Variants in TBC1D14 observed in about 807,000 individuals in gnomAD.
TBC1D14 encodes TBC1 domain family member 14.
In TBC1D14, 26 loss-of-function variants were observed where a neutral mutation model predicts 79.0. The observed-to-expected ratio is 0.33, with a 90% confidence interval of 0.24 to 0.46. TBC1D14 has a LOEUF of 0.46. Ranked by LOEUF, TBC1D14 falls within the 20% of genes least tolerant of loss-of-function variation. TBC1D14 has a pLI of 1.00. For missense variants in TBC1D14, 769 were observed against 887.6 expected, an observed-to-expected ratio of 0.87 and a Z score of 1.70; for synonymous variants, 394 against 349.9, an observed-to-expected ratio of 1.13 and a Z score of -1.40.
At chr4:6,938,262 G>C (rs947445025) in intron 2 of TBC1D14, among the ~76,000 whole-genome samples, 1 of 152,174 alleles carries the variant, frequency 6.6e-6, no homozygotes, top group Non-Finnish European at 1.5e-5. Context: ...GGGGCTGCCT[G>C]GTGGCCCCAG....
intron 2 of TBC1D14, among the ~76,000 whole-genome samples, chr4:6,931,693 C>G (rs1711756736): frequency 6.6e-6 from 1 of 152,082 alleles, no homozygotes; most frequent in Non-Finnish European, 1.5e-5. Flanking sequence ...CAAATCACAA[C>G]CATAATGATC....
intron 12 of TBC1D14, among the ~76,000 whole-genome samples, chr4:7,020,979 G>A (rs1187652049): frequency 6.6e-6 from 1 of 152,174 alleles, no homozygotes; most frequent in Non-Finnish European, 1.5e-5. Flanking sequence ...TGTATGAAAC[G>A]AGCACTTTCT....
At chr4:7,023,454 G>A (rs945910661) in intron 12 of TBC1D14, among the ~76,000 whole-genome samples, 1 of 152,156 alleles carries the variant, frequency 6.6e-6, no homozygotes, top group African/African-American at 2.4e-5. Context: ...GTACAATTGA[G>A]AATATTCTCT....
intron 12 of TBC1D14, among the ~76,000 whole-genome samples, chr4:7,021,723 G>T (rs1283393130): frequency 6.7e-6 from 1 of 150,014 alleles, no homozygotes; most frequent in Non-Finnish European, 1.5e-5. Context: ...TACCATTTTT[G>T]ATCTACAACG....
chr4:6,968,727 G>T (rs1485949835), intron 3 of TBC1D14, among the ~76,000 whole-genome samples: 1 of 70,070 alleles, frequency 1.4e-5, no homozygotes, highest in African/African-American at 4.0e-5. Flanking sequence ...GGCTGGCCAT[G>T]GGGCCTGTGC....
chr4:6,912,550 C>T (rs1047654353), intron 1 of TBC1D14, among the ~76,000 whole-genome samples: 1 of 152,132 alleles, frequency 6.6e-6, no homozygotes, highest in Admixed American at 6.5e-5. Flanking sequence ...CCATCAGTAT[C>T]ACACGGCAGG....
chr4:6,947,729 A>G (rs940981483), intron 2 of TBC1D14, among the ~76,000 whole-genome samples: 1 of 151,546 alleles, frequency 6.6e-6, no homozygotes, highest in Non-Finnish European at 1.5e-5. Context: ...CCCCTCCTGT[A>G]TTTAAATATT....
rs1720576193 is a variant in TBC1D14, at chr4:7,009,888, T to C, written c.1458T>C (p.Tyr486=). The C allele has an allele frequency of 3.1e-6, 5 of 1,614,120 alleles. No homozygotes were observed. Among genetic ancestry groups the C allele is most frequent in the Non-Finnish European group, 4.2e-6 (5 of 1,180,046 alleles). The stretch of plus-strand genomic sequence containing the variant: ...GTTGATCCTTTTAGGGTGGTCCATA[T>C]CATGACATGTTGCACAGTATTTTGG... The part of the protein sequence containing the change: ...NLCIFQQGGP[Y]HDMLHSILGA... Residue 486 remains tyrosine (Y), a synonymous_variant, in exon 10 of 14, where the codon TAT becomes TAC. Transcript: ENST00000409757.
chr4:6,949,664 C>T (rs1417561173), intron 2 of TBC1D14, among the ~76,000 whole-genome samples: 4 of 126,136 alleles, frequency 3.2e-5, no homozygotes, highest in African/African-American at 6.2e-5. Context: ...ACCTGGGCGA[C>T]AGAGCAAGAC....
At chr4:6,983,586 G>A (rs550012062) in intron 3 of TBC1D14, among the ~76,000 whole-genome samples, 1 of 152,112 alleles carries the variant, frequency 6.6e-6, no homozygotes, top group Non-Finnish European at 1.5e-5. Context: ...GGTCTATCAG[G>A]AGATTATCCC....
intron 8 of TBC1D14, among the ~76,000 whole-genome samples, chr4:7,005,285 C>G (rs1302687474): frequency 1.3e-5 from 2 of 152,066 alleles, no homozygotes; most frequent in Non-Finnish European, 2.9e-5. Flanking sequence ...CCTGTAATCC[C>G]AGCACTTTGG....
At chr4:6,924,846 C>T (rs542257163) in intron 2 of TBC1D14, among the ~76,000 whole-genome samples, 61 of 152,186 alleles carry the variant, frequency 4.0e-4, no homozygotes, top group Middle Eastern at 3.4e-3. Context: ...TGGGGTAATA[C>T]GGTGAGAGAA....
intron 2 of TBC1D14, among the ~76,000 whole-genome samples, chr4:6,939,247 C>T (rs1712654496): frequency 1.3e-5 from 2 of 152,158 alleles, no homozygotes; most frequent in African/African-American, 4.8e-5. Flanking sequence ...TGTCCTCCTG[C>T]AGGCCTGGAG....
intron 2 of TBC1D14, among the ~76,000 whole-genome samples, chr4:6,944,013 G>A (rs2108983381): frequency 7.5e-6 from 1 of 133,078 alleles, no homozygotes; most frequent in South Asian, 2.7e-4. Context: ...TGTCTGTGAA[G>A]CCGGCGCGTT....
chr4:6,923,282 A>T (rs41516949), intron 1 of TBC1D14, 91 bp from the exon 2 acceptor site: 3 of 1,395,722 alleles, frequency 2.1e-6, no homozygotes, highest in East Asian at 4.7e-5. Context: ...TTCTCCCTTA[A>T]GTGAGATCAG....
intron 2 of TBC1D14, among the ~76,000 whole-genome samples, chr4:6,944,095 C>G (rs1268106325): frequency 4.6e-5 from 7 of 152,096 alleles, no homozygotes; most frequent in Non-Finnish European, 7.4e-5. Context: ...TAAAGCTTCT[C>G]TTTGTTTAAA....
chr4:7,027,988 A>G (rs537150155), intron 13 of TBC1D14, among the ~76,000 whole-genome samples: 121 of 87,000 alleles, frequency 1.4e-3, no homozygotes, highest in African/African-American at 5.4e-3. Flanking sequence ...CCACACATAG[A>G]TCACCACTTA....
intron 12 of TBC1D14, among the ~76,000 whole-genome samples, chr4:7,019,487 G>T (rs2109294554): frequency 6.6e-6 from 1 of 152,296 alleles, no homozygotes; most frequent in East Asian, 1.9e-4. Context: ...GTCTGGCTTA[G>T]GTTGGGTCTT....
At chr4:6,989,818 C>T (rs1399604579) in intron 3 of TBC1D14, among the ~76,000 whole-genome samples, 2 of 152,122 alleles carry the variant, frequency 1.3e-5, no homozygotes, top group Non-Finnish European at 2.9e-5. Context: ...TTTCTTCAAC[C>T]TTAGCTGGGT....
Sources: gnomAD v4.1 joint callset for allele counts (sites outside exome capture counted in the v4.1 genomes callset) on GRCh38, gnomAD v4.1.1 for gene constraint, MANE v1.5 for transcripts, NCBI Gene and HGNC (gene_info 2026-07-23, HGNC 2026-07-21) for gene names.